The following LMNTD1 variants were observed in gnomAD, a reference collection of about 807,000 sequenced individuals.
LMNTD1 encodes the protein lamin tail domain-containing protein 1.
Under a neutral mutation model 50.9 loss-of-function variants are expected in LMNTD1, and 35 were observed. That is an observed-to-expected ratio of 0.69 (90% CI 0.53 to 0.91). The LOEUF (loss-of-function observed/expected upper bound fraction) is 0.91, where lower values mean the gene tolerates loss of function less well. Among genes scored for constraint, LMNTD1 ranks in the 40% least tolerant of loss-of-function variants. The probability of loss-of-function intolerance (pLI) is 0.00; values close to 1 mark genes in which losing one functional copy is unlikely to be tolerated. For missense variants in LMNTD1, 470 were observed against 475.5 expected, an observed-to-expected ratio of 0.99 and a Z score of 0.11; for synonymous variants, 153 against 161.9, an observed-to-expected ratio of 0.94 and a Z score of 0.42.
intron 1 of LMNTD1, among the ~76,000 whole-genome samples, chr12:25,561,257 C>T (rs540561172): frequency 4.9e-4 from 75 of 152,258 alleles, no homozygotes; most frequent in African/African-American, 1.7e-3. Context: ...TTAGGTCTTT[C>T]CTGCTTTCTC....
At chr12:25,493,040 C>G (rs1047094868) in intron 9 of LMNTD1, among the ~76,000 whole-genome samples, 4 of 152,182 alleles carry the variant, frequency 2.6e-5, no homozygotes, top group African/African-American at 9.6e-5. Context: ...TCTAGCCTGT[C>G]TCTTAAAATC....
chr12:25,576,764 C>T (rs909234796), intron 1 of LMNTD1, among the ~76,000 whole-genome samples: 1 of 152,152 alleles, frequency 6.6e-6, no homozygotes, highest in Non-Finnish European at 1.5e-5. Context: ...GAAGTCCTTG[C>T]CCATGCCTAT....
chr12:25,644,172 A>G (rs829039), intron 1 of LMNTD1, among the ~76,000 whole-genome samples: 150,612 of 152,198 alleles, frequency 0.99, 74,543 homozygotes, highest in Middle Eastern at 1. Flanking sequence ...CAGATTCAGT[A>G]AATGGTTAAG....
intron 8 of LMNTD1, among the ~76,000 whole-genome samples, chr12:25,513,349 A>G (rs11832360): frequency 0.19 from 29,546 of 152,154 alleles, 3,112 homozygotes; most frequent in African/African-American, 0.26. Flanking sequence ...TACAGAGGGG[A>G]AAAAACAACC....
At chr12:25,561,194 T>G (rs1033522937) in intron 1 of LMNTD1, among the ~76,000 whole-genome samples, 4 of 152,128 alleles carry the variant, frequency 2.6e-5, no homozygotes, top group African/African-American at 9.7e-5. Flanking sequence ...GCTTTTGAAT[T>G]TGTTTGCTCT....
chr12:25,615,430 G>A (rs1302792196), intron 1 of LMNTD1, among the ~76,000 whole-genome samples: 1 of 152,052 alleles, frequency 6.6e-6, no homozygotes, highest in Non-Finnish European at 1.5e-5. Context: ...GAGCCATATA[G>A]CAGAACCATA....
intron 1 of LMNTD1, among the ~76,000 whole-genome samples, chr12:25,582,942 G>A (rs1469370709): frequency 6.6e-6 from 1 of 152,020 alleles, no homozygotes; most frequent in Non-Finnish European, 1.5e-5. Flanking sequence ...TGACCTCCAG[G>A]GCTCAAATGA....
intron 8 of LMNTD1, among the ~76,000 whole-genome samples, chr12:25,509,547 C>G (rs182867794): frequency 1.3e-5 from 2 of 152,276 alleles, no homozygotes; most frequent in African/African-American, 4.8e-5. Context: ...CCATTTAGTC[C>G]TCTCCCAACT....
At chr12:25,511,591 T>C (rs1226950651) in intron 8 of LMNTD1, among the ~76,000 whole-genome samples, 1 of 152,198 alleles carries the variant, frequency 6.6e-6, no homozygotes, top group Admixed American at 6.5e-5. Context: ...CCATTTCATT[T>C]TTCACATTGC....
intron 1 of LMNTD1, among the ~76,000 whole-genome samples, chr12:25,594,543 C>T (rs145694896): frequency 8.3e-4 from 124 of 148,822 alleles, no homozygotes; most frequent in African/African-American, 3.0e-3. Context: ...GCTGAAACTA[C>T]AAGAACTGAC....
chr12:25,526,010 T>A, intron 6 of LMNTD1, 89 bp downstream of exon 6: 2 of 1,071,860 alleles, frequency 1.9e-6, no homozygotes, highest in Non-Finnish European at 2.5e-6. Flanking sequence ...AGACACATTG[T>A]ATAAAATAAA....
chr12:25,481,230 A>G (rs1413567644), intron 9 of LMNTD1, among the ~76,000 whole-genome samples: 2 of 151,944 alleles, frequency 1.3e-5, no homozygotes, highest in Non-Finnish European at 2.9e-5. Flanking sequence ...GCAGTTCCTT[A>G]TCATCCTTCT....
chr12:25,601,850 G>T (rs1488170033), intron 1 of LMNTD1, among the ~76,000 whole-genome samples: 1 of 151,696 alleles, frequency 6.6e-6, no homozygotes, highest in Admixed American at 6.6e-5. Flanking sequence ...TTGGTATTTT[G>T]ATACCTGTAT....
intron 1 of LMNTD1, among the ~76,000 whole-genome samples, chr12:25,560,688 C>G (rs981067288): frequency 6.6e-6 from 1 of 152,206 alleles, no homozygotes; most frequent in Non-Finnish European, 1.5e-5. Context: ...ACCAAATCTT[C>G]TTCCATTTGT....
intron 4 of LMNTD1, among the ~76,000 whole-genome samples, chr12:25,532,346 T>C (rs1349075631): frequency 2.0e-5 from 3 of 152,200 alleles, no homozygotes; most frequent in Non-Finnish European, 2.9e-5. Context: ...GTTTTGCATA[T>C]AGACTTACTC....
chr12:25,576,967 G>A (rs905795665), intron 1 of LMNTD1, among the ~76,000 whole-genome samples: 29 of 152,232 alleles, frequency 1.9e-4, no homozygotes, highest in African/African-American at 7.0e-4. Context: ...CCCATTGCTT[G>A]TTTTTCCCAG....
intron 1 of LMNTD1, among the ~76,000 whole-genome samples, chr12:25,646,587 C>T (rs1034193179): frequency 1.3e-5 from 2 of 152,130 alleles, no homozygotes; most frequent in Admixed American, 1.3e-4. Flanking sequence ...CCCAAAGTCC[C>T]TGGTTTTTCA....
intron 1 of LMNTD1, among the ~76,000 whole-genome samples, chr12:25,602,870 GT>G (rs2136511756): frequency 6.6e-6 from 1 of 152,106 alleles, no homozygotes; most frequent in South Asian, 2.1e-4. Flanking sequence ...TGGTTTTCTT[GT>G]TTTATCTAAC....
At position 25,549,517 on chromosome 12, in the gene LMNTD1, A is replaced by C. The variant is rs759596680; in HGVS notation, c.119T>G (p.Leu40Ter). Residue 40 changes from leucine (L) to a stop codon, truncating the protein, a stop_gained, in exon 3 of 10, where the codon TTA (leucine) becomes TGA (stop). Coordinates refer to ENST00000458174, the MANE Select transcript of LMNTD1 (RefSeq NM_001145728.2). LOFTEE classifies it high-confidence loss of function. ...CAACATCTTTGGGGAAAAATGTACT[A>C]AAGAATATACTCCAAGTTTGTCTTC... ...QREDKLGVYS[L>*]VHFSPKMLGS... The C allele has an allele frequency of 6.2e-7, 1 of 1,610,878 alleles. No individual in the cohort carries two copies. Among genetic ancestry groups the C allele is most frequent in the Non-Finnish European group, 8.5e-7 (1 of 1,177,620 alleles).
Sources: allele counts gnomAD v4.1 joint callset (sites outside exome capture counted in the v4.1 genomes callset), GRCh38; gene constraint gnomAD v4.1.1; transcripts MANE v1.5; gene names NCBI Gene and HGNC (gene_info 2026-07-23, HGNC 2026-07-21).